LVRN: variants seen among roughly 807,000 people sequenced by gnomAD.
LVRN encodes the protein aminopeptidase Q.
LVRN carries 99 observed loss-of-function variants against 111.4 expected under a neutral mutation model. The ratio of observed to expected loss-of-function variants is 0.89; its 90% CI spans 0.76 to 1.05. LVRN has a LOEUF of 1.05. Among genes scored for constraint, LVRN ranks in the 50% least tolerant of loss-of-function variants. The pLI is 0.00. For synonymous variants in LVRN, 488 were observed against 449.5 expected (o/e 1.09, Z -1.08); for missense variants, 1,414 against 1,206.8 (o/e 1.17, Z -2.54).
intron 19 of LVRN, among the ~76,000 whole-genome samples, chr5:116,023,810 T>G (rs899259683): frequency 6.6e-6 from 1 of 152,174 alleles, no homozygotes; most frequent in African/African-American, 2.4e-5. Context: ...ACTGGAACTC[T>G]TTTATCCTAC....
At chr5:115,988,963 G>A (rs553950870) in intron 4 of LVRN, among the ~76,000 whole-genome samples, 1 of 152,196 alleles carries the variant, frequency 6.6e-6, no homozygotes, top group African/African-American at 2.4e-5. Context: ...CTGTCCCCTT[G>A]AAGCACACCC....
intron 18 of LVRN, 39 bp downstream of exon 18, chr5:116,015,804 C>T (rs1028584978): frequency 2.5e-6 from 4 of 1,604,360 alleles, no homozygotes; most frequent in East Asian, 2.2e-5. Context: ...ATTTAGGCCA[C>T]TGGTTTGGCA....
chr5:115,988,610 A>C (rs1202792112), intron 4 of LVRN, among the ~76,000 whole-genome samples: 2 of 152,170 alleles, frequency 1.3e-5, no homozygotes, highest in Non-Finnish European at 2.9e-5. Flanking sequence ...GAAGACTTGG[A>C]AAAAGTATGC....
chr5:115,980,561 C>A (rs1753540759), intron 1 of LVRN, among the ~76,000 whole-genome samples: 1 of 152,124 alleles, frequency 6.6e-6, no homozygotes, highest in Admixed American at 6.6e-5. Context: ...CCTGCTTTTA[C>A]ACTCCAGGTT....
At chr5:115,965,573 C>T (rs1264734465) in intron 1 of LVRN, among the ~76,000 whole-genome samples, 1 of 152,156 alleles carries the variant, frequency 6.6e-6, no homozygotes, top group Non-Finnish European at 1.5e-5. Context: ...ACTATTGGCA[C>T]CTCATATGGT....
At chr5:116,022,623 G>T (rs1312668054) in intron 19 of LVRN, among the ~76,000 whole-genome samples, 157 bp downstream of exon 19, 3 of 152,140 alleles carry the variant, frequency 2.0e-5, no homozygotes, top group Admixed American at 1.3e-4. Context: ...GTTTTTAATT[G>T]TATCCTCCTC....
chr5:116,007,124 A>G (rs752664654), intron 13 of LVRN, among the ~76,000 whole-genome samples: 20 of 152,196 alleles, frequency 1.3e-4, no homozygotes, highest in Non-Finnish European at 2.5e-4. Context: ...TGCCTGGCCT[A>G]TTAAATTAGC....
At chr5:115,989,145 G>C (rs545506154) in intron 4 of LVRN, among the ~76,000 whole-genome samples, 2 of 152,118 alleles carry the variant, frequency 1.3e-5, no homozygotes, top group Non-Finnish European at 2.9e-5. Flanking sequence ...GATCTTTCCA[G>C]AGAAAATCTG....
chr5:115,963,346 C>T (rs1158177427), intron 1 of LVRN, 34 bp downstream of exon 1: 3 of 1,510,542 alleles, frequency 2.0e-6, no homozygotes, highest in East Asian at 4.6e-5. Context: ...CCCTCTCGGC[C>T]CCCGCCCCTG....
rs764322547 is a variant in LVRN, at chr5:116,012,390, G to T, written c.2264G>T (p.Arg755Ile). Residue 755 changes from arginine (R) to isoleucine (I), a missense_variant, in exon 15 of 20, where the codon AGA (arginine) becomes ATA (isoleucine). Transcript: ENST00000357872. The part of the protein sequence containing the change: ...YSLLKRYLLK[R>I]LNLIWNIYST... Reference sequence around the variant, plus strand: ...TGTTTATAGAGGTACCTATTAAAGAGACTTAATTTAATATGGAATATTTAT... The same window carrying T: ...TGTTTATAGAGGTACCTATTAAAGATACTTAATTTAATATGGAATATTTAT... The T allele has an allele frequency of 2.7e-6, 4 of 1,499,014 alleles. No individual in the cohort carries two copies. Among genetic ancestry groups the T allele is most frequent in the Non-Finnish European group, 3.7e-6 (4 of 1,086,550 alleles). The allele number at this position is 1,499,014 out of a possible 1,614,324, so 92.9% of individuals were successfully genotyped here. A position where few individuals can be genotyped will look rare whatever the true frequency, so the allele number is the denominator to read the frequency against.
chr5:115,994,417 C>T (rs1580387419), intron 6 of LVRN, among the ~76,000 whole-genome samples: 1 of 146,020 alleles, frequency 6.8e-6, no homozygotes, highest in Non-Finnish European at 1.5e-5. Context: ...GGACTACAGG[C>T]ATGTGCCACC....
chr5:116,011,941 C>T (rs945587391), intron 14 of LVRN, among the ~76,000 whole-genome samples: 3 of 150,884 alleles, frequency 2.0e-5, no homozygotes, highest in African/African-American at 4.9e-5. Context: ...TAAACCAGTT[C>T]TTTTTTTTTG....
At chr5:116,004,508 T>C (rs936642721) in intron 12 of LVRN, among the ~76,000 whole-genome samples, 2 of 152,230 alleles carry the variant, frequency 1.3e-5, no homozygotes, top group Non-Finnish European at 2.9e-5. Context: ...TCTAGCATAT[T>C]GGTTTAGAGC....
intron 6 of LVRN, chr5:115,995,372 C>A (rs1276011330): frequency 6.6e-6 from 1 of 152,238 alleles, no homozygotes; most frequent in Non-Finnish European, 1.5e-5. Context: ...ACGCTTTTAA[C>A]ACCCGAGTTC....
intron 13 of LVRN, among the ~76,000 whole-genome samples, chr5:116,007,250 T>G (rs1346373266): frequency 6.6e-6 from 1 of 152,220 alleles, no homozygotes; most frequent in Non-Finnish European, 1.5e-5. Context: ...CAGAGTACCT[T>G]TCCACCTAAT....
Position 116,001,210 on chromosome 5 carries a change from C to T in LVRN, c.1791C>T (p.Asn597=), listed in dbSNP as rs1224031671. 3 of 1,613,596 alleles carry T rather than the reference C, an allele frequency of 1.9e-6. No homozygotes were observed. Among genetic ancestry groups the T allele is most frequent in the African/African-American group, 1.3e-5 (1 of 74,980 alleles). Residue 597 remains asparagine, a synonymous_variant, in exon 10 of 20, where the codon AAC becomes AAT. Coordinates refer to ENST00000357872, the MANE Select transcript of LVRN (RefSeq NM_173800.5). ...AACAGGAGCCATTTTATCTTGAAAACATTAAAAATCGGACTCTTCTAACCA... is the reference window on the plus strand; with the variant it reads ...AACAGGAGCCATTTTATCTTGAAAATATTAAAAATCGGACTCTTCTAACCA... The part of the protein sequence containing the change: ...VMKQEPFYLE[N]IKNRTLLTSN...
At chr5:116,013,391 C>G (rs1410518010) in intron 15 of LVRN, among the ~76,000 whole-genome samples, 1 of 152,156 alleles carries the variant, frequency 6.6e-6, no homozygotes, top group African/African-American at 2.4e-5. Context: ...TCAGGCAGCA[C>G]ATTTGTTAAC....
Position 115,962,845 on chromosome 5 carries a change from C to A in LVRN, c.228C>A (p.Arg76=), listed in dbSNP as rs1414886861. ...CAACCCCGAAACCCAGCAGTGCACG[C>A]GAGCTAGCGGTGACGACCACCCCGA... is the stretch of plus-strand genomic sequence containing the variant. ...PTPTPKPSSA[R]ELAVTTTPSN... The change falls in exon 1 of 20, where the codon CGC becomes CGA. Residue 76 remains arginine (R), a synonymous_variant. Transcript: ENST00000357872. The A allele has an allele frequency of 6.2e-7, 1 of 1,612,980 alleles. No homozygotes were observed. The highest frequency in any genetic ancestry group is 1.3e-5 in the African/African-American group (1 of 74,890).
chr5:115,969,025 T>A (rs1026932169), intron 1 of LVRN, among the ~76,000 whole-genome samples: 4 of 152,184 alleles, frequency 2.6e-5, no homozygotes, highest in African/African-American at 9.7e-5. Context: ...TTGACTGTTA[T>A]GAAGGAATGG....
Sources: gnomAD v4.1 joint callset for allele counts (sites outside exome capture counted in the v4.1 genomes callset) on GRCh38, gnomAD v4.1.1 for gene constraint, MANE v1.5 for transcripts, NCBI Gene and HGNC (gene_info 2026-07-23, HGNC 2026-07-21) for gene names.